Variants in ARID1A observed in about 807,000 individuals in gnomAD.
ARID1A encodes AT-rich interaction domain 1A.
Under a neutral mutation model 212.6 loss-of-function variants are expected in ARID1A, and 20 were observed. That is an observed-to-expected ratio of 0.09 (90% CI 0.07 to 0.14). The LOEUF is 0.14. Among genes scored for constraint, ARID1A ranks in the 10% least tolerant of loss-of-function variants. ARID1A has a pLI of 1.00. For synonymous variants in ARID1A, 1,376 were observed against 1,222.1 expected, an observed-to-expected ratio of 1.13 and a Z score of -2.63; for missense variants, 2,587 against 3,059.0, an observed-to-expected ratio of 0.85 and a Z score of 3.64.
At chr1:26,717,556 A>G (rs1216534157) in intron 1 of ARID1A, among the ~76,000 whole-genome samples, 2 of 152,210 alleles carry the variant, frequency 1.3e-5, no homozygotes, top group Non-Finnish European at 2.9e-5. Context: ...TGTATGGGAC[A>G]GACATTAATT....
intron 1 of ARID1A, among the ~76,000 whole-genome samples, chr1:26,714,448 C>T (rs766295125): frequency 5.3e-5 from 8 of 151,952 alleles, no homozygotes; most frequent in Non-Finnish European, 8.8e-5. Flanking sequence ...GAATCTCGTT[C>T]GGTTGCCCAG....
intron 1 of ARID1A, among the ~76,000 whole-genome samples, chr1:26,725,719 T>G (rs1165031902): frequency 1.3e-5 from 2 of 152,298 alleles, no homozygotes; most frequent in East Asian, 3.9e-4. Flanking sequence ...AGCCCCCATG[T>G]AAGTAGCTGT....
intron 1 of ARID1A, among the ~76,000 whole-genome samples, chr1:26,724,408 C>G (rs2080597119): frequency 6.6e-6 from 1 of 152,146 alleles, no homozygotes; most frequent in Non-Finnish European, 1.5e-5. Context: ...TGGAGCTTTC[C>G]TCAGTTGGAC....
intron 14 of ARID1A, 31 bp from the exon 15 acceptor site, chr1:26,773,315 G>GT: frequency 6.5e-7 from 1 of 1,538,856 alleles, no homozygotes; most frequent in Non-Finnish European, 8.7e-7. Flanking sequence ...CAACTTACCA[G>GT]TTTGTTCACC....
intron 1 of ARID1A, among the ~76,000 whole-genome samples, chr1:26,715,490 G>T (rs920916662): frequency 1.3e-5 from 2 of 152,202 alleles, no homozygotes; most frequent in African/African-American, 4.8e-5. Flanking sequence ...TGGTCTGTGG[G>T]AGGAAGTACC....
intron 10 of ARID1A, among the ~76,000 whole-genome samples, chr1:26,767,523 T>G (rs932066518): frequency 6.6e-6 from 1 of 152,208 alleles, no homozygotes; most frequent in African/African-American, 2.4e-5. Flanking sequence ...TCTTTACAAA[T>G]GGGGATAATT....
intron 8 of ARID1A, chr1:26,764,203 G>GAGC (rs1186367709): frequency 6.6e-6 from 1 of 150,598 alleles, no homozygotes; most frequent in African/African-American, 2.4e-5. Flanking sequence ...GACCTCCAGT[G>GAGC]AGCTGCCTGC....
At chr1:26,755,805 G>A (rs1185271364) in intron 4 of ARID1A, among the ~76,000 whole-genome samples, 3 of 151,246 alleles carry the variant, frequency 2.0e-5, no homozygotes, top group African/African-American at 7.3e-5. Context: ...GTGCAGTGGT[G>A]CGATCTCGGC....
At chr1:26,723,258 A>C (rs1450496916) in intron 1 of ARID1A, among the ~76,000 whole-genome samples, 3 of 152,184 alleles carry the variant, frequency 2.0e-5, no homozygotes, top group African/African-American at 7.2e-5. Flanking sequence ...AGCCACGTGC[A>C]GCTGGCAGGA....
chr1:26,778,518 T>A (rs1368835765), intron 19 of ARID1A: 1 of 152,786 alleles, frequency 6.5e-6, no homozygotes, highest in Non-Finnish European at 1.5e-5. Flanking sequence ...TGCTGCAAGA[T>A]CCATGGAGTT....
At position 26,729,857 on chromosome 1, in the gene ARID1A, A is replaced by G; in HGVS notation, c.1344A>G (p.Thr448=). The G allele has an allele frequency of 6.2e-7, 1 of 1,613,600 alleles. No individual in the cohort carries two copies. Among genetic ancestry groups the G allele is most frequent in the Non-Finnish European group, 8.5e-7 (1 of 1,179,748 alleles). Residue 448 remains threonine, a synonymous_variant, in exon 2 of 20, where the codon ACA becomes ACG. Transcript: ENST00000324856. ...GTGCCATGGGCGGCCTCTCTTATAC[A>G]CAGCAGGTAGATGGTGATTGTGATT... ...AQSAMGGLSY[T]QQIPPYGQQG...
rs2124739727 is a variant in ARID1A, at chr1:26,696,417, T to C, written c.14T>C (p.Val5Ala). The C allele has an allele frequency of 7.9e-7, 1 of 1,270,954 alleles. No homozygotes were observed. The highest frequency in any genetic ancestry group is 9.9e-7 in the Non-Finnish European group (1 of 1,012,692). 78.7% of individuals were successfully genotyped at this position (1,270,954 alleles called of 1,614,324 possible). A position where few individuals can be genotyped will look rare whatever the true frequency, so the allele number is the denominator to read the frequency against. MAAQ[V>A]APAAASSLGN... is the part of the protein sequence containing the mutation. ...ACAGCGGGGATCATGGCCGCGCAGG[T>C]CGCCCCCGCCGCCGCCAGCAGCCTG... The change falls in exon 1 of 20, where the codon GTC becomes GCC. Residue 5 changes from valine to alanine, a missense_variant. Physicochemically the swap from Val to Ala is moderately conservative, Grantham distance 64 (BLOSUM62 0). Transcript: ENST00000324856.
At chr1:26,768,922 A>C (rs914592017) in intron 11 of ARID1A, among the ~76,000 whole-genome samples, 6 of 152,226 alleles carry the variant, frequency 3.9e-5, no homozygotes, top group Non-Finnish European at 4.4e-5. Flanking sequence ...AAATCAGAAG[A>C]GGAAAACAGC....
In ARID1A at chr1:26,697,259, A is replaced by T. The variant is rs755778566; in HGVS notation, c.856A>T (p.Thr286Ser). ...GGGPSAAGGG[T>S]PQPTATPTLN... ...CGGCCCCTCCGCGGCCGGCGGGGGA[A>T]CTCCCCAGCCCACCGCCACCCCCAC... Residue 286 changes from threonine to serine, a missense_variant, in exon 1 of 20, where the codon ACT (threonine) becomes TCT (serine). Physicochemically the swap from Thr to Ser is moderately conservative, Grantham distance 58. This residue lies in a region of ARID1A where 735 missense variants were observed against 590.6 expected (regional missense o/e 1.24). Coordinates refer to ENST00000324856, the MANE Select transcript of ARID1A (RefSeq NM_006015.6). The T allele has an allele frequency of 6.6e-6, 9 of 1,369,104 alleles. No individual in the cohort carries two copies. Among genetic ancestry groups the T allele is most frequent in the Non-Finnish European group, 7.5e-6 (8 of 1,069,080 alleles). 84.8% of individuals were successfully genotyped at this position (1,369,104 alleles called of 1,614,324 possible).
chr1:26,731,587 C>T lies in ARID1A; in HGVS notation c.1786C>T (p.Arg596Cys), dbSNP rs763739196. ...CCAGCAAACTGCCTATTCCCAGCAG[C>T]GCTTCCCTCCACCGCAGGTAAGATA... ...QSQQTAYSQQ[R>C]FPPPQELSQD... Residue 596 changes from arginine to cysteine, a missense_variant, in exon 3 of 20, where the codon CGC (arginine) becomes TGC (cysteine). Coordinates refer to ENST00000324856, the MANE Select transcript of ARID1A (RefSeq NM_006015.6). 12 of 1,613,848 alleles carry T rather than the reference C, an allele frequency of 7.4e-6. No individual in the cohort carries two copies. Among genetic ancestry groups the T allele is most frequent in the Non-Finnish European group, 8.5e-6 (10 of 1,179,772 alleles).
At chr1:26,756,857 C>G (rs1394762917) in intron 4 of ARID1A, among the ~76,000 whole-genome samples, 1 of 151,746 alleles carries the variant, frequency 6.6e-6, no homozygotes, top group African/African-American at 2.4e-5. Flanking sequence ...TGCCCGTCAC[C>G]ACGTCTGGCT....
rs2124067894 is a variant in ARID1A, at chr1:26,763,008, C to A, written c.2455C>A (p.Pro819Thr). 6.2e-7 allele frequency: 1 copy of A among 1,608,378 alleles called. No homozygotes were observed. Among genetic ancestry groups the A allele is most frequent in the Non-Finnish European group, 8.5e-7 (1 of 1,175,260 alleles). ...YPRQPNYNAL[P>T]NANYPSAGMA... ...CAGGCAGCCAAACTATAATGCCTTGCCCAATGCCAACTACCCCAGTGCAGG... is the reference window on the plus strand; with the variant it reads ...CAGGCAGCCAAACTATAATGCCTTGACCAATGCCAACTACCCCAGTGCAGG... The change falls in exon 8 of 20, where the codon CCC becomes ACC. Residue 819 changes from proline to threonine, a missense_variant. By Grantham distance (38) the Pro-to-Thr change is conservative (BLOSUM62 -1). Transcript: ENST00000324856.
intron 10 of ARID1A, 25 bp from the exon 11 acceptor site, chr1:26,767,765 A>G (rs771736753): frequency 1.2e-5 from 19 of 1,581,994 alleles, no homozygotes; most frequent in Admixed American, 6.7e-5. Flanking sequence ...ACCCATTCCT[A>G]TGAATTTTGA....
intron 1 of ARID1A, among the ~76,000 whole-genome samples, chr1:26,718,610 C>T (rs1459358407): frequency 1.3e-5 from 2 of 152,140 alleles, no homozygotes; most frequent in African/African-American, 2.4e-5. Flanking sequence ...CGTACATTCT[C>T]CTGTATACGT....
Sources: allele counts gnomAD v4.1 joint callset (sites outside exome capture counted in the v4.1 genomes callset), GRCh38; gene constraint gnomAD v4.1.1; regional missense constraint gnomAD v4.1.1; transcripts MANE v1.5; gene names NCBI Gene and HGNC (gene_info 2026-07-23, HGNC 2026-07-21).